ZNF638: variants seen among roughly 807,000 people sequenced by gnomAD.
ZNF638 encodes zinc finger protein 638, also known as CTCL tumor antigen se33-1.
ZNF638 carries 46 observed loss-of-function variants against 195.6 expected under a neutral mutation model. That is an observed-to-expected ratio of 0.24 (90% CI 0.19 to 0.30). ZNF638 has a LOEUF of 0.30. ZNF638 is among the 10% of genes least tolerant of loss of function. The pLI is 1.00. For synonymous variants in ZNF638, 845 were observed against 772.0 expected (o/e 1.09, Z -1.57); for missense variants, 2,440 against 2,325.3 (o/e 1.05, Z -1.01).
At chr2:71,401,388 A>T (rs1395345075) in intron 15 of ZNF638, among the ~76,000 whole-genome samples, 1 of 152,166 alleles carries the variant, frequency 6.6e-6, no homozygotes, top group Non-Finnish European at 1.5e-5. Context: ...TGTGGGGTAA[A>T]GATTCTCAGG....
chr2:71,377,436 A>AAG lies in ZNF638; in HGVS notation c.2266-2785_2266-2784insGA, dbSNP rs756724598. Among the ~76,000 whole-genome samples, 6 of 152,236 alleles carry AAG rather than the reference A, an allele frequency of 3.9e-5. No individual in the cohort carries two copies. In the South Asian group the frequency reaches 8.3e-4, roughly 21 times the overall value. ...AAACTGGAGCAAGTAGTCAACTAGG[A>AAG]ATTGCATGGATATGAAAAATAATGC... is the stretch of plus-strand genomic sequence containing the variant. On this transcript the variant is annotated intron_variant, in intron 8 of 27. Transcript: ENST00000264447.
chr2:71,397,444 T>G (rs1394209756), intron 11 of ZNF638, among the ~76,000 whole-genome samples: 2 of 152,204 alleles, frequency 1.3e-5, no homozygotes, highest in Non-Finnish European at 2.9e-5. Context: ...GTCTTGACTA[T>G]AAAGGGTGGA....
intron 23 of ZNF638, 94 bp from the exon 24 acceptor site, chr2:71,426,366 C>A: frequency 1.1e-6 from 1 of 942,458 alleles, no homozygotes; most frequent in South Asian, 1.8e-5. Context: ...GAAATTCTCC[C>A]AAATGATCTG....
At chr2:71,393,993 T>C (rs772256429) in intron 10 of ZNF638, among the ~76,000 whole-genome samples, 65 of 152,180 alleles carry the variant, frequency 4.3e-4, no homozygotes, top group Non-Finnish European at 1.2e-4. Flanking sequence ...GCCAGTAGCC[T>C]CAAACCGGGC....
intron 8 of ZNF638, among the ~76,000 whole-genome samples, chr2:71,376,909 A>G (rs2079438357): frequency 6.6e-6 from 1 of 152,118 alleles, no homozygotes; most frequent in Admixed American, 6.6e-5. Context: ...GTTACCAGTA[A>G]TCCGATGAAA....
At chr2:71,357,297 G>A (rs2079039492) in intron 3 of ZNF638, among the ~76,000 whole-genome samples, 2 of 152,080 alleles carry the variant, frequency 1.3e-5, no homozygotes, top group African/African-American at 2.4e-5. Flanking sequence ...TGTCTGCTCC[G>A]GGTGTTGAGA....
At chr2:71,363,031 T>C (rs1461546497) in intron 3 of ZNF638, 122 bp from the exon 4 acceptor site, 6 of 771,096 alleles carry the variant, frequency 7.8e-6, no homozygotes, top group African/African-American at 3.5e-5. Flanking sequence ...AATTAAACTC[T>C]CAAAATATTT....
chr2:71,355,870 C>T (rs1313277630), intron 3 of ZNF638, 90 bp downstream of exon 3: 1 of 611,936 alleles, frequency 1.6e-6, no homozygotes, highest in Non-Finnish European at 2.6e-6. Flanking sequence ...TAGTATAATA[C>T]TTTGGAGAAA....
rs2079153685 is a variant in ZNF638, at chr2:71,364,027, A to G, written c.1492A>G (p.Arg498Gly). 6.2e-7 allele frequency: 1 copy of G among 1,614,220 alleles called. No homozygotes were observed. Among genetic ancestry groups the G allele is most frequent in the Non-Finnish European group, 8.5e-7 (1 of 1,180,030 alleles). ...SHSPSPRRSR[R>G]SSSSHRFRRS... ...TTCCCCCAGTCCTAGGCGTTCTAGA[A>G]GATCAAGCTCAAGTCACAGATTCCG... The change falls in exon 5 of 28, where the codon AGA (arginine) becomes GGA (glycine). Residue 498 changes from arginine (R) to glycine (G), a missense_variant. Around this residue, in one of 5 missense-constraint regions of ZNF638, gnomAD observed 1,883 missense variants for 1,739.1 expected, o/e 1.08. Transcript: ENST00000264447.
At position 71,426,767 on chromosome 2, in the gene ZNF638, A is replaced by T; in HGVS notation, c.4898A>T (p.Glu1633Val). The change falls in exon 24 of 28, where the codon GAA (glutamate) becomes GTA (valine). Residue 1633 changes from glutamate (E) to valine (V), a missense_variant. This residue lies in a region of ZNF638 where 1,883 missense variants were observed against 1,739.1 expected (regional missense o/e 1.08). Transcript: ENST00000264447. The stretch of plus-strand genomic sequence containing the variant: ...ATTGATGAAGAAGAACTAAATATGG[A>T]AGAAATGGTAAAAAATTCAAATTCA... ...EVIDEEELNM[E>V]EMVKNSNSLF... 1 of 1,613,300 alleles carries T rather than the reference A, an allele frequency of 6.2e-7. No individual in the cohort carries two copies. Among genetic ancestry groups the T allele is most frequent in the Non-Finnish European group, 8.5e-7 (1 of 1,179,698 alleles).
At position 71,348,930 on chromosome 2, in the gene ZNF638, A is replaced by C; in HGVS notation, c.-25A>C. ...GTTCAACACCACCTTATACTTTATT[A>C]AATCAGGCTTTCTTGAAAATAGCCA... On this transcript the variant is annotated 5_prime_UTR_variant, in exon 2 of 28. An upstream open reading frame in the 5' UTR loses its in-frame stop. Coordinates refer to ENST00000264447, the MANE Select transcript of ZNF638 (RefSeq NM_014497.5). The C allele has an allele frequency of 1.2e-6, 2 of 1,614,166 alleles. No individual in the cohort carries two copies. The highest frequency in any genetic ancestry group is 1.7e-6 in the Non-Finnish European group (2 of 1,180,018).
At chr2:71,348,099 G>A (rs549568498) in intron 1 of ZNF638, among the ~76,000 whole-genome samples, 12 of 152,266 alleles carry the variant, frequency 7.9e-5, no homozygotes, top group African/African-American at 2.9e-4. Flanking sequence ...CCAAGGGAAG[G>A]GTTACTGGTT....
chr2:71,424,771 A>C, intron 23 of ZNF638, 56 bp downstream of exon 23: 1 of 1,389,742 alleles, frequency 7.2e-7, no homozygotes, highest in Non-Finnish European at 1.0e-6. Context: ...AGCACAGTTC[A>C]TCTATCTTAT....
chr2:71,377,350 A>G (rs1034432413), intron 8 of ZNF638, among the ~76,000 whole-genome samples: 2 of 152,224 alleles, frequency 1.3e-5, no homozygotes, highest in African/African-American at 2.4e-5. Flanking sequence ...TGTGCAAAAA[A>G]AACAATTTTT....
intron 2 of ZNF638, among the ~76,000 whole-genome samples, chr2:71,352,346 T>G (rs1007879358): frequency 6.6e-6 from 1 of 152,002 alleles, no homozygotes; most frequent in Non-Finnish European, 1.5e-5. Flanking sequence ...GGTGTGGTCA[T>G]GCGCACCTGT....
At chr2:71,355,929 G>C in intron 3 of ZNF638, 149 bp downstream of exon 3, 1 of 459,958 alleles carries the variant, frequency 2.2e-6, no homozygotes, top group Non-Finnish European at 3.8e-6. Context: ...TTTTCTGGAA[G>C]TATATTTAAT....
At chr2:71,360,726 A>G (rs1054109886) in intron 3 of ZNF638, among the ~76,000 whole-genome samples, 1 of 152,100 alleles carries the variant, frequency 6.6e-6, no homozygotes, top group Non-Finnish European at 1.5e-5. Context: ...TTTGTTGCAA[A>G]TGCTTCGTTG....
chr2:71,426,179 T>G (rs962639319), intron 23 of ZNF638, among the ~76,000 whole-genome samples: 2 of 152,228 alleles, frequency 1.3e-5, no homozygotes, highest in African/African-American at 2.4e-5. Context: ...TGTGTCATAC[T>G]TCGAAACTCT....
At chr2:71,400,292 T>G in intron 14 of ZNF638, 112 bp downstream of exon 14, 2 of 1,068,892 alleles carry the variant, frequency 1.9e-6, no homozygotes, top group South Asian at 3.5e-5. Context: ...ATCTGAAATT[T>G]TGATCTCAGA....
Sources: gnomAD v4.1 joint callset for allele counts (sites outside exome capture counted in the v4.1 genomes callset) on GRCh38, gnomAD v4.1.1 for gene constraint, gnomAD v4.1.1 regional missense constraint, MANE v1.5 for transcripts, NCBI Gene and HGNC (gene_info 2026-07-23, HGNC 2026-07-21) for gene names.